The following IMPG2 variants were observed in gnomAD, a reference collection of about 807,000 sequenced individuals.
IMPG2 encodes interphotoreceptor matrix proteoglycan 2.
A neutral mutation model predicts 129.2 loss-of-function variants in IMPG2; 91 were observed. The observed-to-expected ratio is 0.70, with a 90% CI of 0.59 to 0.84. The LOEUF (loss-of-function observed/expected upper bound fraction) is 0.84, where lower values mean the gene tolerates loss of function less well. IMPG2 is among the 40% of genes least tolerant of loss of function. IMPG2 has a pLI of 0.00. For missense variants in IMPG2, 1,430 were observed against 1,461.7 expected, an observed-to-expected ratio of 0.98 and a Z score of 0.35; for synonymous variants, 510 against 517.7, an observed-to-expected ratio of 0.99 and a Z score of 0.20.
At position 101,243,603 on chromosome 3, in the gene IMPG2, TGTTA is replaced by T; in HGVS notation, c.2724_2727del (p.Asn909Ter). 1.9e-6 allele frequency: 3 copies of T among 1,613,918 alleles called. No individual in the cohort carries two copies. Among genetic ancestry groups the T allele is most frequent in the South Asian group, 2.2e-5 (2 of 91,062 alleles). On this transcript the variant is annotated frameshift_variant, in exon 13 of 19. Transcript: ENST00000193391. LOFTEE classifies it high-confidence loss of function. ...TTAAACAGATCTTCTGAAAACATCA[TGTTA>T]GTCACTCGGAGGCTGAAGAAAACCA...
At chr3:101,251,296 C>A (rs545138007) in intron 11 of IMPG2, among the ~76,000 whole-genome samples, 1 of 152,212 alleles carries the variant, frequency 6.6e-6, no homozygotes, top group South Asian at 2.1e-4. Flanking sequence ...TACATAAAAT[C>A]TTTTAAAAAG....
chr3:101,227,102 T>C, intron 18 of IMPG2, 121 bp from the exon 19 acceptor site: 1 of 1,174,648 alleles, frequency 8.5e-7, no homozygotes, highest in Non-Finnish European at 1.2e-6. Flanking sequence ...TATTTTTTTC[T>C]TTATTTGAAG....
rs940638087 is a variant in IMPG2 at position 101,244,690 on chromosome 3, G to A, written c.1641C>T (p.Ser547=). 3.1e-6 allele frequency: 5 copies of A among 1,614,076 alleles called. No homozygotes were observed. Among genetic ancestry groups the A allele is most frequent in the Non-Finnish European group, 4.2e-6 (5 of 1,179,946 alleles). The change falls in exon 13 of 19, where the codon TCC becomes TCT. Residue 547 remains serine, a synonymous_variant. Coordinates refer to ENST00000193391, the MANE Select transcript of IMPG2 (RefSeq NM_016247.4). ...TQPVPKETIP[S]MEDSDVSLTS... The stretch of plus-strand genomic sequence containing the variant: ...TTAAGGACACATCAGAGTCTTCCAT[G>A]GATGGTATTGTTTCTTTTGGCACAG...
chr3:101,268,087 C>G (rs1706740849), intron 8 of IMPG2, among the ~76,000 whole-genome samples: 1 of 152,162 alleles, frequency 6.6e-6, no homozygotes, highest in Non-Finnish European at 1.5e-5. Flanking sequence ...TTAGTATCCT[C>G]ATAATATAGG....
chr3:101,296,513 G>A (rs757791489), intron 3 of IMPG2, among the ~76,000 whole-genome samples: 19 of 152,244 alleles, frequency 1.2e-4, no homozygotes, highest in Middle Eastern at 6.8e-3. Context: ...AGGGATATTG[G>A]CCTAAAGTTT....
Position 101,257,650 on chromosome 3 carries a change from T to C in IMPG2, c.1032A>G (p.Lys344=). The C allele has an allele frequency of 1.2e-6, 2 of 1,613,392 alleles. No individual in the cohort carries two copies. Among genetic ancestry groups the C allele is most frequent in the Non-Finnish European group, 1.7e-6 (2 of 1,179,572 alleles). ...ENHGLVELDD[K]PTVVYTISNF... ...TACTGATTGTATAAACAACAGTGGG[T>C]TTATCATCCAGTTCCACAAGGCCAT... The change falls in exon 10 of 19, where the codon AAA becomes AAG. Residue 344 remains lysine (K), a synonymous_variant. Coordinates refer to ENST00000193391, the MANE Select transcript of IMPG2 (RefSeq NM_016247.4).
intron 2 of IMPG2, among the ~76,000 whole-genome samples, chr3:101,307,933 G>T (rs542062207): frequency 6.6e-6 from 1 of 152,168 alleles, no homozygotes; most frequent in Non-Finnish European, 1.5e-5. Context: ...TACAACGGAG[G>T]TACAGACTTT....
chr3:101,299,832 T>C (rs1402981117), intron 3 of IMPG2, among the ~76,000 whole-genome samples: 1 of 152,168 alleles, frequency 6.6e-6, no homozygotes, highest in Non-Finnish European at 1.5e-5. Flanking sequence ...GTAGAAATGC[T>C]ACTGTATAGG....
intron 18 of IMPG2, chr3:101,227,901 TC>T (rs1339880126): frequency 2.2e-6 from 1 of 456,016 alleles, no homozygotes; most frequent in South Asian, 1.5e-5. Flanking sequence ...GGGCAGGTGT[TC>T]CACTCAGGGC....
intron 7 of IMPG2, among the ~76,000 whole-genome samples, chr3:101,273,262 T>C (rs1000284072): frequency 1.3e-5 from 2 of 152,264 alleles, no homozygotes; most frequent in African/African-American, 4.8e-5. Flanking sequence ...ACAGTGTGTG[T>C]AGTTTCTTAG....
At chr3:101,296,920 T>C (rs961028745) in intron 3 of IMPG2, among the ~76,000 whole-genome samples, 2 of 152,170 alleles carry the variant, frequency 1.3e-5, no homozygotes, top group Non-Finnish European at 2.9e-5. Flanking sequence ...TTGTTGTTGT[T>C]GAGACAGAGT....
At chr3:101,269,447 A>G (rs548280551) in intron 8 of IMPG2, 68 bp downstream of exon 8, 7 of 878,578 alleles carry the variant, frequency 8.0e-6, no homozygotes, top group South Asian at 1.3e-5. Flanking sequence ...TGTGATAAAT[A>G]TAATGGACAT....
intron 2 of IMPG2, among the ~76,000 whole-genome samples, chr3:101,312,383 A>T (rs996951763): frequency 1.3e-5 from 2 of 152,178 alleles, no homozygotes; most frequent in Non-Finnish European, 2.9e-5. Flanking sequence ...ACATTTTCAA[A>T]GGAAGATATA....
Position 101,242,869 on chromosome 3 carries a change from C to G in IMPG2, c.2841G>C (p.Gln947His). 2 of 1,614,056 alleles carry G rather than the reference C, an allele frequency of 1.2e-6. No individual in the cohort carries two copies. Among genetic ancestry groups the G allele is most frequent in the African/African-American group, 1.3e-5 (1 of 75,024 alleles). Residue 947 changes from glutamine to histidine, a missense_variant, in exon 14 of 19, where the codon CAG becomes CAC. Transcript: ENST00000193391. ...PYLQSNLTGF[Q>H]NLEILNFRNG... ...TTCTGAAGTTGAGGATTTCTAAGTT[C>G]TGGAACCCCGTGAGATTTGACTGGA...
chr3:101,253,914 T>G, intron 10 of IMPG2, 133 bp from the exon 11 acceptor site: 1 of 667,208 alleles, frequency 1.5e-6, no homozygotes, highest in Non-Finnish European at 2.7e-6. Context: ...CACACTTACT[T>G]AGAAAATGTT....
intron 14 of IMPG2, among the ~76,000 whole-genome samples, chr3:101,235,773 A>G (rs367941138): frequency 1.2e-4 from 18 of 152,194 alleles, no homozygotes; most frequent in East Asian, 5.8e-4. Context: ...AGGGATCTAA[A>G]TGGTGGAGTT....
chr3:101,277,943 ACT>A (rs1254297626), intron 4 of IMPG2, among the ~76,000 whole-genome samples: 1 of 151,734 alleles, frequency 6.6e-6, no homozygotes, highest in African/African-American at 2.4e-5. Flanking sequence ...GCAATTAAAA[ACT>A]CTCTTCAAGT....
At chr3:101,236,415 G>A (rs348861) in intron 14 of IMPG2, among the ~76,000 whole-genome samples, 97,666 of 152,024 alleles carry the variant, frequency 0.64, 31,613 homozygotes, top group Admixed American at 0.69. Flanking sequence ...CTGCCAAGAT[G>A]GCCAAATAGG....
In IMPG2 at chr3:101,273,660, A is replaced by G. The variant is rs142959530; in HGVS notation, c.749T>C (p.Leu250Ser). ...EQIAEFSIHL[L>S]GKQYREELQD... ...TAGTTCTTCCCTGTACTGCTTCCCC[A>G]AAAGGTGGATACTGAATTCTGCAAT... is the stretch of plus-strand genomic sequence containing the variant. The change falls in exon 7 of 19, where the codon TTG (leucine) becomes TCG (serine). Residue 250 changes from leucine to serine, a missense_variant. Coordinates refer to ENST00000193391, the MANE Select transcript of IMPG2 (RefSeq NM_016247.4). The G allele has an allele frequency of 1.2e-6, 2 of 1,614,000 alleles. No homozygotes were observed. Among genetic ancestry groups the G allele is most frequent in the African/African-American group, 2.7e-5 (2 of 74,926 alleles).
Sources: gnomAD v4.1 joint callset for allele counts (sites outside exome capture counted in the v4.1 genomes callset) on GRCh38, gnomAD v4.1.1 for gene constraint, MANE v1.5 for transcripts, NCBI Gene and HGNC (gene_info 2026-07-23, HGNC 2026-07-21) for gene names.